The following ZNF292 variants were observed in gnomAD, a reference collection of about 807,000 sequenced individuals.
ZNF292 encodes 16 zinc-finger domain protein.
In ZNF292, 26 loss-of-function variants were observed where a neutral mutation model predicts 217.9. That is an observed-to-expected ratio of 0.12 (90% CI 0.09 to 0.17). The LOEUF (loss-of-function observed/expected upper bound fraction) is 0.17. ZNF292 is among the 10% of genes least tolerant of loss of function. The pLI, the probability that ZNF292 is intolerant of heterozygous loss-of-function variation, is 1.00. For missense variants in ZNF292, 2,904 were observed against 3,175.2 expected, an observed-to-expected ratio of 0.91 and a Z score of 2.05; for synonymous variants, 1,257 against 1,124.1, an observed-to-expected ratio of 1.12 and a Z score of -2.37.
At position 87,258,571 on chromosome 6, in the gene ZNF292, G is replaced by T. The variant is rs116110217; in HGVS notation, c.4942G>T (p.Val1648Leu). 1 of 1,613,706 alleles carries T rather than the reference G, an allele frequency of 6.2e-7. No homozygotes were observed. The highest frequency in any genetic ancestry group is 8.5e-7 in the Non-Finnish European group (1 of 1,179,776). The change falls in exon 8 of 8, where the codon GTA becomes TTA. Residue 1648 changes from valine (V) to leucine (L), a missense_variant. This residue lies in a region of ZNF292 where 622 missense variants were observed against 573.1 expected (regional missense o/e 1.09). Transcript: ENST00000369577. Reference sequence around the variant, plus strand: ...TGCACCTAACGCTTCCCAAAACTTGGTAACAAGTGACTTAACAACAATGGG... The same window carrying T: ...TGCACCTAACGCTTCCCAAAACTTGTTAACAAGTGACTTAACAACAATGGG... ...LIAPNASQNLVTSDLTTMGLI... is the reference protein window; with the variant it reads ...LIAPNASQNLLTSDLTTMGLI...
intron 5 of ZNF292, among the ~76,000 whole-genome samples, chr6:87,235,245 A>G (rs1009276028): frequency 2.0e-5 from 3 of 152,158 alleles, no homozygotes; most frequent in Non-Finnish European, 4.4e-5. Context: ...GTGTTGTAAC[A>G]TTTTTAAAAA....
chr6:87,235,909 CA>C (rs1773883036), intron 5 of ZNF292, among the ~76,000 whole-genome samples: 1 of 152,178 alleles, frequency 6.6e-6, no homozygotes, highest in South Asian at 2.1e-4. Flanking sequence ...CATAGCACTA[CA>C]CATATATAGT....
chr6:87,156,543 G>A (rs1770546768), intron 1 of ZNF292, among the ~76,000 whole-genome samples: 1 of 152,154 alleles, frequency 6.6e-6, no homozygotes, highest in Admixed American at 6.5e-5. Flanking sequence ...TTCGCCCTTC[G>A]AGGAGTATGA....
intron 1 of ZNF292, among the ~76,000 whole-genome samples, chr6:87,204,093 A>G (rs572309290): frequency 9.2e-5 from 14 of 152,218 alleles, no homozygotes; most frequent in Non-Finnish European, 1.8e-4. Context: ...AGAAAATACT[A>G]AAGCCAAATT....
chr6:87,204,784 G>T (rs1252790898), intron 1 of ZNF292, among the ~76,000 whole-genome samples: 1 of 151,686 alleles, frequency 6.6e-6, no homozygotes, highest in Admixed American at 6.6e-5. Flanking sequence ...GGCTGGTCTC[G>T]AACACCTGAC....
chr6:87,250,155 T>C (rs571631199), intron 7 of ZNF292, among the ~76,000 whole-genome samples: 3 of 152,176 alleles, frequency 2.0e-5, no homozygotes, highest in South Asian at 2.1e-4. Flanking sequence ...CACCTACTGA[T>C]TGAAAATATT....
chr6:87,242,298 G>A (rs1001511854), intron 5 of ZNF292, among the ~76,000 whole-genome samples: 1 of 152,116 alleles, frequency 6.6e-6, no homozygotes, highest in African/African-American at 2.4e-5. Context: ...CATAATTCCT[G>A]TGGGTAATCA....
intron 1 of ZNF292, among the ~76,000 whole-genome samples, chr6:87,181,516 T>C (rs1315846039): frequency 1.3e-5 from 2 of 152,118 alleles, no homozygotes; most frequent in East Asian, 3.9e-4. Context: ...AAGGCAACTT[T>C]TTGGGCGCAA....
chr6:87,227,098 T>TA (rs1338246414), intron 4 of ZNF292, among the ~76,000 whole-genome samples: 1 of 152,222 alleles, frequency 6.6e-6, no homozygotes, highest in African/African-American at 2.4e-5. Flanking sequence ...TCATCTATGA[T>TA]ATGAAATACT....
intron 7 of ZNF292, among the ~76,000 whole-genome samples, chr6:87,250,841 T>C (rs910024290): frequency 6.6e-6 from 1 of 152,208 alleles, no homozygotes; most frequent in Non-Finnish European, 1.5e-5. Flanking sequence ...AGTTGAAAAA[T>C]ACATCCCTGC....
rs879371187 is a variant in ZNF292 at position 87,231,325 on chromosome 6, GA to G, written c.539-1989del. ...GAGAAGTAGACCCAGTAGTCAAATAGAAAAAAAAAAATTCTTTTTCTTACCT... is the reference window on the plus strand; with the variant it reads ...GAGAAGTAGACCCAGTAGTCAAATAGAAAAAAAAAATTCTTTTTCTTACCT... On this transcript the variant is annotated intron_variant, in intron 4 of 7. Transcript: ENST00000369577. 4.1e-3 allele frequency among the ~76,000 whole-genome samples: 608 copies of G among 148,092 alleles called. 3 individuals carry two copies. The highest frequency in any genetic ancestry group is 6.7e-3 in the Non-Finnish European group (450 of 66,744).
At chr6:87,160,599 A>G (rs1179860804) in intron 1 of ZNF292, among the ~76,000 whole-genome samples, 3 of 151,772 alleles carry the variant, frequency 2.0e-5, no homozygotes, top group Non-Finnish European at 4.4e-5. Context: ...TTGTGTGTAT[A>G]TATACATATA....
chr6:87,199,139 C>G (rs899411967), intron 1 of ZNF292, among the ~76,000 whole-genome samples: 2 of 152,208 alleles, frequency 1.3e-5, no homozygotes, highest in Non-Finnish European at 2.9e-5. Flanking sequence ...ATGAGAGTTA[C>G]AGTTTCTCTG....
intron 1 of ZNF292, among the ~76,000 whole-genome samples, chr6:87,186,028 C>G (rs1045054889): frequency 6.6e-6 from 1 of 152,088 alleles, no homozygotes; most frequent in Non-Finnish European, 1.5e-5. Flanking sequence ...CGTAATTGGC[C>G]ATTGGTGATC....
Position 87,255,426 on chromosome 6 carries a change from A to G in ZNF292, c.1797A>G (p.Arg599=), listed in dbSNP as rs762978556. 5 of 1,613,790 alleles carry G rather than the reference A, an allele frequency of 3.1e-6. No homozygotes were observed. The highest frequency in any genetic ancestry group is 1.3e-5 in the African/African-American group (1 of 75,060). Residue 599 remains arginine (R), a synonymous_variant, in exon 8 of 8, where the codon AGA becomes AGG. Transcript: ENST00000369577. ...ATGTTAAACAATCTAGTAAAGAGAG[A>G]CTAGCAGCTATGAAACCATTAAGAA... is the stretch of plus-strand genomic sequence containing the variant. ...TLHVKQSSKE[R]LAAMKPLRRL...
At chr6:87,247,155 G>A (rs1221280201) in intron 7 of ZNF292, among the ~76,000 whole-genome samples, 4 of 147,912 alleles carry the variant, frequency 2.7e-5, no homozygotes, top group Non-Finnish European at 5.9e-5. Context: ...CTGGGAAACA[G>A]AGTGAGACTT....
intron 1 of ZNF292, among the ~76,000 whole-genome samples, chr6:87,158,180 A>C (rs1016184344): frequency 6.6e-6 from 1 of 152,264 alleles, no homozygotes; most frequent in African/African-American, 2.4e-5. Context: ...TGGATTTCAA[A>C]AATTATAAAA....
chr6:87,251,529 C>A (rs1447830452), intron 7 of ZNF292, among the ~76,000 whole-genome samples: 1 of 152,212 alleles, frequency 6.6e-6, no homozygotes, highest in African/African-American at 2.4e-5. Flanking sequence ...TTCTGTTCCT[C>A]CTCTGAATTA....
chr6:87,261,199 A>G lies in ZNF292; in HGVS notation c.7570A>G (p.Arg2524Gly), dbSNP rs1283684339. The change falls in exon 8 of 8, where the codon AGA becomes GGA. Residue 2524 changes from arginine (R) to glycine (G), a missense_variant. Physicochemically the swap from Arg to Gly is moderately radical, Grantham distance 125. Coordinates refer to ENST00000369577, the MANE Select transcript of ZNF292 (RefSeq NM_015021.3). ...GGAAGATAACCTCTGCCAGTCAGAAAGACAAAAAGCAAGTAATTTGAAGAG... is the reference window on the plus strand; with the variant it reads ...GGAAGATAACCTCTGCCAGTCAGAAGGACAAAAAGCAAGTAATTTGAAGAG... Reference protein sequence around the residue: ...FQEDNLCQSERQKASNLKRVN... With the variant: ...FQEDNLCQSEGQKASNLKRVN... 3 of 1,611,792 alleles carry G rather than the reference A, an allele frequency of 1.9e-6. No individual in the cohort carries two copies. The highest frequency in any genetic ancestry group is 1.7e-6 in the Non-Finnish European group (2 of 1,179,292).
Sources: allele counts gnomAD v4.1 joint callset (sites outside exome capture counted in the v4.1 genomes callset), GRCh38; gene constraint gnomAD v4.1.1; regional missense constraint gnomAD v4.1.1; transcripts MANE v1.5; gene names NCBI Gene and HGNC (gene_info 2026-07-23, HGNC 2026-07-21).